Variants in HACD2 observed in about 807,000 individuals in gnomAD.
The protein encoded by HACD2 is 3-hydroxyacyl-CoA dehydratase 2, also known as very-long-chain (3R)-3-hydroxyacyl-CoA dehydratase 2.
Under a neutral mutation model 31.0 loss-of-function variants are expected in HACD2, and 15 were observed. The observed-to-expected ratio is 0.48, with a 90% CI of 0.32 to 0.75. The LOEUF (loss-of-function observed/expected upper bound fraction) is 0.75. Among genes scored for constraint, HACD2 ranks in the 30% least tolerant of loss-of-function variants. HACD2 has a pLI of 0.03. For synonymous variants in HACD2, 115 were observed against 122.2 expected, an observed-to-expected ratio of 0.94 and a Z score of 0.39; for missense variants, 283 against 313.0, an observed-to-expected ratio of 0.90 and a Z score of 0.72.
chr3:123,542,095 C>T lies in HACD2; in HGVS notation c.293-13621G>A, dbSNP rs867888758. 7.5e-5 allele frequency among the ~76,000 whole-genome samples: 9 copies of T among 120,040 alleles called. No individual in the cohort carries two copies. In the South Asian group the frequency reaches 1.1e-3, roughly 15 times the overall value. The allele number at this position is 120,040 out of a possible 152,430, so 78.8% of individuals were successfully genotyped here. On this transcript the variant is annotated intron_variant, in intron 3 of 6. Coordinates refer to ENST00000383657, the MANE Select transcript of HACD2 (RefSeq NM_198402.5). Reference sequence around the variant, plus strand: ...CCGGGAGGCGGAGCTTGCAGTGAGCCGAGATCCCGCCACTGCACTCCAGCC... The same window carrying T: ...CCGGGAGGCGGAGCTTGCAGTGAGCTGAGATCCCGCCACTGCACTCCAGCC...
At chr3:123,503,262 CAA>C (rs113416649) in intron 4 of HACD2, among the ~76,000 whole-genome samples, 36 of 88,954 alleles carry the variant, frequency 4.0e-4, no homozygotes, top group Admixed American at 6.3e-4. Context: ...GAGACTGTCT[CAA>C]AAAAAAAAAA....
In HACD2 at chr3:123,500,659, C is replaced by A. The variant is rs750212186; in HGVS notation, c.538G>T (p.Val180Leu). ...TATATTGTGAGCAGTTCTCCTGACA[C>A]TCCCATTGGGTACAGCACAATGAAA... ...TLFIVLYPMG[V>L]SGELLTIYAA... Residue 180 changes from valine to leucine, a missense_variant, in exon 6 of 7, where the codon GTG becomes TTG. Coordinates refer to ENST00000383657, the MANE Select transcript of HACD2 (RefSeq NM_198402.5). 6 of 1,612,762 alleles carry A rather than the reference C, an allele frequency of 3.7e-6. No individual in the cohort carries two copies. Among genetic ancestry groups the A allele is most frequent in the Non-Finnish European group, 5.1e-6 (6 of 1,179,576 alleles).
intron 3 of HACD2, among the ~76,000 whole-genome samples, chr3:123,559,063 T>C (rs2056700545): frequency 6.6e-6 from 1 of 152,242 alleles, no homozygotes; most frequent in South Asian, 2.1e-4. Context: ...AGCTTTTCCT[T>C]ACCTCGAATC....
rs1164232344 is a variant in HACD2, at chr3:123,492,861, A to G, written c.*2027T>C. The stretch of plus-strand genomic sequence containing the variant: ...TAGTAGAAATACATTATGGAAGAAT[A>G]AAATGAGAGAAAAGTCATGCAAAAA... On this transcript the variant is annotated 3_prime_UTR_variant, in exon 7 of 7. Coordinates refer to ENST00000383657, the MANE Select transcript of HACD2 (RefSeq NM_198402.5). The G allele has an allele frequency of 6.6e-6, 1 of 152,254 alleles. No homozygotes were observed. The highest frequency in any genetic ancestry group is 1.5e-5 in the Non-Finnish European group (1 of 68,044). The allele number at this position is 152,254 out of a possible 1,614,324, so 9.4% of individuals were successfully genotyped here. A position where few individuals can be genotyped will look rare whatever the true frequency, so the allele number is the denominator to read the frequency against.
rs570068217 is a variant in HACD2 at position 123,566,895 on chromosome 3, A to G, written c.292+867T>C. ...GCCAGATATCACAGTGACCTCTGCT[A>G]GACCCACAGTGGACAGTCTGGTGTT... On this transcript the variant is annotated intron_variant, in intron 3 of 6. Transcript: ENST00000383657. 3.8e-4 allele frequency among the ~76,000 whole-genome samples: 58 copies of G among 152,302 alleles called. 1 individual carries two copies. Among genetic ancestry groups the G allele is most frequent in the Admixed American group, 3.8e-3 (58 of 15,310 alleles).
rs1055137 is a variant in HACD2, at chr3:123,493,716, A to G, written c.*1172T>C. ...TATGAGGATGTGACATGGATTAGAC[A>G]ATGTCGGTAGTACCAAACTATTTCT... On this transcript the variant is annotated 3_prime_UTR_variant, in exon 7 of 7. Transcript: ENST00000383657. 28,598 of 152,068 alleles carry G rather than the reference A, an allele frequency of 0.19. 3,159 individuals carry two copies. The highest frequency in any genetic ancestry group is 0.36 in the East Asian group (1,837 of 5,162). 9.4% of individuals were successfully genotyped at this position (152,068 alleles called of 1,614,324 possible). A position where few individuals can be genotyped will look rare whatever the true frequency, so the allele number is the denominator to read the frequency against.
chr3:123,573,691 T>G (rs1027559796), intron 2 of HACD2, among the ~76,000 whole-genome samples: 1 of 152,170 alleles, frequency 6.6e-6, no homozygotes, highest in East Asian at 1.9e-4. Context: ...GAGTTACTGC[T>G]CAATGTTCAG....
At chr3:123,562,299 G>T (rs1460111504) in intron 3 of HACD2, among the ~76,000 whole-genome samples, 1 of 152,080 alleles carries the variant, frequency 6.6e-6, no homozygotes, top group Non-Finnish European at 1.5e-5. Context: ...ACAGAAATGA[G>T]CCCCTCCATG....
chr3:123,546,061 T>C (rs866857453), intron 3 of HACD2, among the ~76,000 whole-genome samples: 3 of 152,284 alleles, frequency 2.0e-5, no homozygotes, highest in African/African-American at 7.2e-5. Flanking sequence ...AAGAGTTTAT[T>C]TATTCAAGTA....
At chr3:123,575,914 A>G (rs2056903147) in intron 2 of HACD2, among the ~76,000 whole-genome samples, 1 of 152,214 alleles carries the variant, frequency 6.6e-6, no homozygotes, top group Non-Finnish European at 1.5e-5. Context: ...TCAGTTCAGC[A>G]AAGTTTTCTA....
rs1437915519 is a variant in HACD2, at chr3:123,500,680, TGAAAAGTGTGTACCTAAAACAAAACAAAA to T, written c.504-16_516del. The T allele has an allele frequency of 6.3e-7, 1 of 1,598,236 alleles. No individual in the cohort carries two copies. Among genetic ancestry groups the T allele is most frequent in the Non-Finnish European group, 8.5e-7 (1 of 1,175,490 alleles). On this transcript the variant is annotated splice_acceptor_variant and splice_polypyrimidine_tract_variant and coding_sequence_variant and intron_variant, in exon 6 of 7. Transcript: ENST00000383657. LOFTEE classifies it high-confidence loss of function. ...GACACTCCCATTGGGTACAGCACAA[TGAAAAGTGTGTACCTAAAACAAAACAAAA>T]TATTCATTACTGAGGCTCAAAGTCA...
chr3:123,542,005 G>T (rs1033004164), intron 3 of HACD2, among the ~76,000 whole-genome samples: 1 of 151,400 alleles, frequency 6.6e-6, no homozygotes, highest in Non-Finnish European at 1.5e-5. Context: ...AAATTAGCCA[G>T]GTGTAGTGGC....
intron 2 of HACD2, among the ~76,000 whole-genome samples, chr3:123,573,562 G>A (rs926095829): frequency 1.3e-5 from 2 of 152,176 alleles, no homozygotes; most frequent in South Asian, 2.1e-4. Flanking sequence ...AGGACAGGGT[G>A]AGTGGTGAGT....
intron 3 of HACD2, among the ~76,000 whole-genome samples, chr3:123,535,806 A>C (rs1437445547): frequency 6.6e-6 from 1 of 152,238 alleles, no homozygotes; most frequent in Non-Finnish European, 1.5e-5. Flanking sequence ...GAATCCTACA[A>C]CAGGGCAATT....
chr3:123,556,994 G>A (rs1414449730), intron 3 of HACD2, among the ~76,000 whole-genome samples: 2 of 152,192 alleles, frequency 1.3e-5, no homozygotes, highest in Non-Finnish European at 2.9e-5. Flanking sequence ...ACTGTAAAGG[G>A]AATAAAAAGA....
At position 123,555,139 on chromosome 3, in the gene HACD2, G is replaced by A. The variant is rs370064337; in HGVS notation, c.292+12623C>T. ...TAAAAATGAAGTAGAAAGTGTATAT[G>A]CCTTCAAAATTGGTTGGGGAGAAAA... On this transcript the variant is annotated intron_variant, in intron 3 of 6. Transcript: ENST00000383657. Among the ~76,000 whole-genome samples the A allele has an allele frequency of 5.2e-4, 79 of 152,278 alleles. No individual in the cohort carries two copies. In the South Asian group the frequency reaches 7.3e-3, roughly 14 times the overall value.
At chr3:123,581,326 T>C (rs1327855500) in intron 2 of HACD2, among the ~76,000 whole-genome samples, 1 of 152,142 alleles carries the variant, frequency 6.6e-6, no homozygotes, top group Non-Finnish European at 1.5e-5. Context: ...CATCCCTCTT[T>C]TCCATAAGCA....
chr3:123,528,566 G>A (rs17363249), intron 3 of HACD2, 92 bp from the exon 4 acceptor site: 5 of 806,544 alleles, frequency 6.2e-6, no homozygotes, highest in Non-Finnish European at 1.0e-5. Flanking sequence ...TAAATGTTTA[G>A]AGTCAAAACG....
chr3:123,517,601 A>T (rs775070812), intron 4 of HACD2, among the ~76,000 whole-genome samples: 6 of 152,198 alleles, frequency 3.9e-5, no homozygotes, highest in Non-Finnish European at 7.3e-5. Flanking sequence ...GGCCTACTCA[A>T]CCCACAGTCC....
Sources: gnomAD v4.1 joint callset for allele counts (sites outside exome capture counted in the v4.1 genomes callset) on GRCh38, gnomAD v4.1.1 for gene constraint, MANE v1.5 for transcripts, NCBI Gene and HGNC (gene_info 2026-07-23, HGNC 2026-07-21) for gene names.